The following HBS1L variants were observed in gnomAD, a reference collection of about 807,000 sequenced individuals.
HBS1L encodes the protein HBS1 like translational GTPase.
Under a neutral mutation model 88.9 loss-of-function variants are expected in HBS1L, and 55 were observed. That is an observed-to-expected ratio of 0.62 (90% confidence interval 0.50 to 0.77). The LOEUF (loss-of-function observed/expected upper bound fraction) is 0.77, where lower values mean the gene tolerates loss of function less well. Among genes scored for constraint, HBS1L ranks in the 30% least tolerant of loss-of-function variants. The pLI is 0.00. For missense variants in HBS1L, 741 were observed against 829.3 expected (o/e 0.89, Z 1.31); for synonymous variants, 267 against 288.5 (o/e 0.93, Z 0.76).
At chr6:135,003,390 G>A (rs1157104379) in intron 4 of HBS1L, among the ~76,000 whole-genome samples, 1 of 151,912 alleles carries the variant, frequency 6.6e-6, no homozygotes, top group East Asian at 1.9e-4. Flanking sequence ...GGTTAATGTA[G>A]AAAAACTGAA....
chr6:134,998,324 G>A lies in HBS1L; in HGVS notation c.540-668C>T, dbSNP rs532915700. On this transcript the variant is annotated intron_variant, in intron 5 of 17. Coordinates refer to ENST00000367837, the MANE Select transcript of HBS1L (RefSeq NM_006620.4). ...AGATATATAAAGGAGAAACAAGACT[G>A]CCCAGCTTAACTTATTCTTTCCTTA... 6.6e-5 allele frequency among the ~76,000 whole-genome samples: 10 copies of A among 152,288 alleles called. No individual in the cohort carries two copies. In the South Asian group the frequency reaches 1.0e-3, roughly 16 times the overall value.
intron 8 of HBS1L, among the ~76,000 whole-genome samples, chr6:134,991,707 T>G (rs1456851986): frequency 6.6e-6 from 1 of 152,182 alleles, no homozygotes; most frequent in East Asian, 1.9e-4. Flanking sequence ...TATCAAAAAA[T>G]TCTTATCTTC....
At chr6:135,025,597 A>C (rs1017827980) in intron 4 of HBS1L, among the ~76,000 whole-genome samples, 4 of 152,280 alleles carry the variant, frequency 2.6e-5, no homozygotes, top group Middle Eastern at 3.4e-3. Context: ...CTCAGTCACC[A>C]CACCCCTCCC....
At chr6:135,045,509 G>C (rs759150531) in intron 2 of HBS1L, among the ~76,000 whole-genome samples, 6 of 152,114 alleles carry the variant, frequency 3.9e-5, no homozygotes, top group Non-Finnish European at 8.8e-5. Context: ...ATGACTCAGT[G>C]GTGCTGGAAT....
chr6:134,986,668 G>GT (rs1365755669), intron 10 of HBS1L, 68 bp downstream of exon 10: 2 of 717,804 alleles, frequency 2.8e-6, no homozygotes, highest in African/African-American at 3.8e-5. Context: ...CAAAGTATTA[G>GT]TTTTTCCTCT....
At chr6:135,008,860 G>A (rs1775686780) in intron 4 of HBS1L, among the ~76,000 whole-genome samples, 2 of 152,080 alleles carry the variant, frequency 1.3e-5, no homozygotes, top group African/African-American at 4.8e-5. Flanking sequence ...ACATGACACA[G>A]TGCTCTGCCT....
In HBS1L at chr6:134,963,028, T is replaced by C. The variant is rs1177695821; in HGVS notation, c.*2251A>G. On this transcript the variant is annotated 3_prime_UTR_variant, in exon 18 of 18. Transcript: ENST00000367837. ...AGGAAGGAATGAATAAATGCATTCA[T>C]TTCTACTACTATTTGTTTATGCTAA... 2 of 152,230 alleles carry C rather than the reference T, an allele frequency of 1.3e-5. No individual in the cohort carries two copies. The highest frequency in any genetic ancestry group is 2.4e-5 in the African/African-American group (1 of 41,460). The allele number at this position is 152,230 out of a possible 1,614,324, so 9.4% of individuals were successfully genotyped here.
At chr6:134,982,304 C>A (rs1774852476) in intron 13 of HBS1L, 154 bp downstream of exon 13, 2 of 584,530 alleles carry the variant, frequency 3.4e-6, no homozygotes, top group Non-Finnish European at 3.1e-6. Context: ...TTAATGTTTT[C>A]ACATTTTAAT....
chr6:134,991,158 G>GT (rs2114792576), intron 8 of HBS1L, among the ~76,000 whole-genome samples: 1 of 138,714 alleles, frequency 7.2e-6, no homozygotes, highest in African/African-American at 2.5e-5. Context: ...GTTTCCCTAA[G>GT]TATCAGTGAG....
chr6:134,992,552 T>C (rs891588230), intron 8 of HBS1L, among the ~76,000 whole-genome samples: 5 of 152,216 alleles, frequency 3.3e-5, no homozygotes, highest in African/African-American at 1.2e-4. Context: ...TGATCCTGTG[T>C]AGGCCTAGGC....
At chr6:135,030,558 T>C (rs1323993511) in intron 4 of HBS1L, among the ~76,000 whole-genome samples, 4 of 152,166 alleles carry the variant, frequency 2.6e-5, no homozygotes, top group Non-Finnish European at 5.9e-5. Context: ...ATTAGATCTT[T>C]AGTTTAGAAA....
At chr6:135,025,561 A>T (rs1459661385) in intron 4 of HBS1L, among the ~76,000 whole-genome samples, 1 of 152,196 alleles carries the variant, frequency 6.6e-6, no homozygotes, top group Non-Finnish European at 1.5e-5. Flanking sequence ...ATAAACAGCA[A>T]GTTCGAGAGT....
At chr6:135,032,547 T>A (rs1253589620) in intron 4 of HBS1L, among the ~76,000 whole-genome samples, 1 of 152,140 alleles carries the variant, frequency 6.6e-6, no homozygotes, top group South Asian at 2.1e-4. Flanking sequence ...TAACCAAATA[T>A]ATACCTGCAT....
intron 4 of HBS1L, chr6:135,038,166 C>T (rs926243078): frequency 3.1e-6 from 2 of 640,746 alleles, no homozygotes; most frequent in Non-Finnish European, 5.1e-6. Context: ...TAAAGTGATA[C>T]TTGATCATTA....
At chr6:135,002,195 G>T (rs1775480881) in intron 5 of HBS1L, among the ~76,000 whole-genome samples, 1 of 151,962 alleles carries the variant, frequency 6.6e-6, no homozygotes, top group Non-Finnish European at 1.5e-5. Context: ...GTGCTACCAA[G>T]GTATGGTTTA....
intron 7 of HBS1L, 41 bp from the exon 8 acceptor site, chr6:134,993,916 T>C (rs1007495181): frequency 1.0e-5 from 9 of 887,826 alleles, no homozygotes; most frequent in Admixed American, 2.0e-5. Flanking sequence ...ACGATATAAA[T>C]AGTGCTATAG....
In HBS1L at chr6:134,997,778, G is replaced by A; in HGVS notation, c.540-122C>T. The A allele has an allele frequency of 3.4e-6, 3 of 878,818 alleles. No individual in the cohort carries two copies. In the Admixed American group the frequency reaches 6.1e-5, roughly 18 times the overall value. The allele number at this position is 878,818 out of a possible 1,614,324, so 54.4% of individuals were successfully genotyped here. ...ATGCTCCAGACCAGAAATAATCTCT[G>A]CTAAGTAGCTAAAGTCTGTTAAGGT... On this transcript the variant is annotated intron_variant, in intron 5 of 17. Transcript: ENST00000367837.
intron 4 of HBS1L, among the ~76,000 whole-genome samples, chr6:135,032,957 T>C (rs1216514675): frequency 1.7e-5 from 1 of 59,090 alleles, no homozygotes; most frequent in Non-Finnish European, 3.6e-5. Context: ...TTTTAAAAAG[T>C]GCTCTGTACA....
Position 135,049,314 on chromosome 6 carries a change from C to A in HBS1L, c.109+1268G>T, listed in dbSNP as rs114665704. On this transcript the variant is annotated intron_variant, in intron 2 of 17. Coordinates refer to ENST00000367837, the MANE Select transcript of HBS1L (RefSeq NM_006620.4). ...CTTTCACTAGGAAATTAATCCCATT[C>A]ATGAGGGCTCTACCCTCATGGCCTA... Among the ~76,000 whole-genome samples the A allele has an allele frequency of 8.6e-3, 1,306 of 152,136 alleles. 11 individuals carry two copies. Among genetic ancestry groups the A allele is most frequent in the African/African-American group, 0.03 (1,228 of 41,484 alleles).
Sources: allele counts gnomAD v4.1 joint callset (sites outside exome capture counted in the v4.1 genomes callset), GRCh38; gene constraint gnomAD v4.1.1; transcripts MANE v1.5; gene names NCBI Gene and HGNC (gene_info 2026-07-23, HGNC 2026-07-21).